TRAPPC9: variants seen among roughly 807,000 people sequenced by gnomAD.
TRAPPC9 encodes the protein trafficking protein particle complex subunit 9.
In TRAPPC9, 83 loss-of-function variants were observed where a neutral mutation model predicts 124.0. The observed-to-expected ratio is 0.67, with a 90% CI of 0.56 to 0.80. TRAPPC9 has a LOEUF of 0.80. Among genes scored for constraint, TRAPPC9 ranks in the 30% least tolerant of loss-of-function variants. TRAPPC9 has a pLI of 0.00. For synonymous variants in TRAPPC9, 638 were observed against 617.5 expected (o/e 1.03, Z -0.49); for missense variants, 1,302 against 1,508.3 (o/e 0.86, Z 2.27).
chr8:140,286,671 G>A (rs543234375), intron 13 of TRAPPC9, among the ~76,000 whole-genome samples: 6 of 152,224 alleles, frequency 3.9e-5, no homozygotes, highest in African/African-American at 1.2e-4. Flanking sequence ...GAGGCTTGAC[G>A]GGGGCAGGGG....
intron 21 of TRAPPC9, among the ~76,000 whole-genome samples, chr8:139,772,882 C>T (rs1011423213): frequency 1.2e-4 from 19 of 152,234 alleles, no homozygotes; most frequent in Non-Finnish European, 1.9e-4. Flanking sequence ...AAGAAGGCAG[C>T]CGTCTACAGG....
chr8:139,979,704 G>A (rs1467735755), intron 19 of TRAPPC9, among the ~76,000 whole-genome samples: 1 of 152,194 alleles, frequency 6.6e-6, no homozygotes, highest in Admixed American at 6.5e-5. Context: ...GAGACCCACA[G>A]TGTCGAGGAG....
intron 17 of TRAPPC9, among the ~76,000 whole-genome samples, chr8:140,136,912 C>T (rs1411134403): frequency 2.0e-5 from 3 of 152,106 alleles, no homozygotes; most frequent in African/African-American, 7.2e-5. Flanking sequence ...GGCCTGATTC[C>T]AAAGCAGGAA....
chr8:139,940,367 T>A (rs1833831491), intron 19 of TRAPPC9, among the ~76,000 whole-genome samples: 1 of 152,262 alleles, frequency 6.6e-6, no homozygotes, highest in African/African-American at 2.4e-5. Flanking sequence ...TATGCTCTAT[T>A]CCAACAAATA....
intron 21 of TRAPPC9, among the ~76,000 whole-genome samples, chr8:139,830,208 G>A (rs769116069): frequency 5.9e-5 from 9 of 152,006 alleles, no homozygotes; most frequent in Non-Finnish European, 1.2e-4. Context: ...ACACACACAT[G>A]CATACACACA....
At chr8:139,912,058 T>C (rs2131286703) in intron 19 of TRAPPC9, among the ~76,000 whole-genome samples, 1 of 152,324 alleles carries the variant, frequency 6.6e-6, no homozygotes, top group East Asian at 1.9e-4. Context: ...TTTACTATTA[T>C]TTTCTGGTTC....
At position 140,283,912 on chromosome 8, in the gene TRAPPC9, C is replaced by T. The variant is rs141531887; in HGVS notation, c.2091G>A (p.Leu697=). The T allele has an allele frequency of 3.5e-5, 56 of 1,614,044 alleles. No individual in the cohort carries two copies. In the African/African-American group the frequency reaches 6.9e-4, roughly 20 times the overall value. Residue 697 remains leucine, a synonymous_variant, in exon 14 of 23, where the codon CTG becomes CTA. Coordinates refer to ENST00000438773, the MANE Select transcript of TRAPPC9 (RefSeq NM_001160372.4). The part of the protein sequence containing the change: ...TVEVIPALPR[L]QISTSLPRSA... Reference sequence around the variant, plus strand: ...ACCTGGGCAGAGAGGTGCTGATCTGCAGTCTTGGCAACGCGGGAATGACTT... The same window carrying T: ...ACCTGGGCAGAGAGGTGCTGATCTGTAGTCTTGGCAACGCGGGAATGACTT...
intron 19 of TRAPPC9, among the ~76,000 whole-genome samples, chr8:139,939,500 C>T (rs779317382): frequency 3.3e-5 from 5 of 152,150 alleles, no homozygotes; most frequent in African/African-American, 4.8e-5. Context: ...CCCACCCTCC[C>T]AGTCCCCATT....
chr8:140,255,522 A>G (rs996529926), intron 15 of TRAPPC9, among the ~76,000 whole-genome samples: 4 of 152,244 alleles, frequency 2.6e-5, no homozygotes, highest in Non-Finnish European at 4.4e-5. Flanking sequence ...GGAATCGTTG[A>G]GCAGGCTGGT....
intron 17 of TRAPPC9, among the ~76,000 whole-genome samples, chr8:140,028,917 G>GA (rs148359629): frequency 2.0e-5 from 3 of 151,884 alleles, no homozygotes; most frequent in African/African-American, 4.8e-5. Flanking sequence ...ATAAATAATG[G>GA]AAAAAAACAA....
chr8:139,972,776 C>T (rs1836186988), intron 19 of TRAPPC9, among the ~76,000 whole-genome samples: 3 of 152,230 alleles, frequency 2.0e-5, no homozygotes, highest in Admixed American at 2.0e-4. Flanking sequence ...CAAAGAACTT[C>T]CCTAAAACAT....
At chr8:139,816,392 C>A (rs1424820115) in intron 21 of TRAPPC9, among the ~76,000 whole-genome samples, 4 of 152,172 alleles carry the variant, frequency 2.6e-5, no homozygotes, top group African/African-American at 9.6e-5. Context: ...CCTTGCCAGC[C>A]CACCAGGTGC....
chr8:140,373,460 T>G (rs72692377), intron 7 of TRAPPC9, among the ~76,000 whole-genome samples: 26,652 of 152,232 alleles, frequency 0.18, 2,545 homozygotes, highest in Middle Eastern at 0.36. Flanking sequence ...CTCATGCCCT[T>G]CAGCGGGAAG....
intron 7 of TRAPPC9, among the ~76,000 whole-genome samples, chr8:140,374,689 A>T (rs1028509615): frequency 3.3e-5 from 5 of 152,222 alleles, no homozygotes; most frequent in Admixed American, 6.5e-5. Context: ...GCCAGACATG[A>T]TCAAAGATGT....
chr8:140,279,180 TTTTATA>T (rs2065225189), intron 14 of TRAPPC9, among the ~76,000 whole-genome samples: 1 of 152,200 alleles, frequency 6.6e-6, no homozygotes, highest in Non-Finnish European at 1.5e-5. Flanking sequence ...TCTACTTTGT[TTTTATA>T]TTACAGGGCC....
At position 140,438,317 on chromosome 8, in the gene TRAPPC9, G is replaced by A. The variant is rs148859437; in HGVS notation, c.730+735C>T. On this transcript the variant is annotated intron_variant, in intron 3 of 22. Coordinates refer to ENST00000438773, the MANE Select transcript of TRAPPC9 (RefSeq NM_001160372.4). ...AGCACAAAGTTGTCAAGGTTCATCCGTGCTGCAGTGGTATCACAATTTCAC... is the reference window on the plus strand; with the variant it reads ...AGCACAAAGTTGTCAAGGTTCATCCATGCTGCAGTGGTATCACAATTTCAC... Among the ~76,000 whole-genome samples the A allele has an allele frequency of 8.5e-5, 13 of 152,240 alleles. No homozygotes were observed. The East Asian group carries it at 2.5e-3, about 29-fold the overall frequency.
intron 17 of TRAPPC9, among the ~76,000 whole-genome samples, chr8:140,083,522 G>A (rs1209807016): frequency 6.6e-6 from 1 of 152,036 alleles, no homozygotes; most frequent in Non-Finnish European, 1.5e-5. Context: ...GAAAGGTGAG[G>A]ACGGAAATCT....
intron 7 of TRAPPC9, among the ~76,000 whole-genome samples, chr8:140,392,993 C>A (rs1008867099): frequency 6.6e-6 from 1 of 150,946 alleles, no homozygotes; most frequent in Non-Finnish European, 1.5e-5. Context: ...CAACTTACAG[C>A]AACTCTAGAA....
At chr8:140,337,231 T>C (rs1322326683) in intron 9 of TRAPPC9, among the ~76,000 whole-genome samples, 1 of 152,030 alleles carries the variant, frequency 6.6e-6, no homozygotes, top group Non-Finnish European at 1.5e-5. Context: ...CCTCTAACCA[T>C]GATGATCAGA....
Sources: gnomAD v4.1 joint callset for allele counts (sites outside exome capture counted in the v4.1 genomes callset) on GRCh38, gnomAD v4.1.1 for gene constraint, MANE v1.5 for transcripts, NCBI Gene and HGNC (gene_info 2026-07-23, HGNC 2026-07-21) for gene names.